The following RORA variants were observed in gnomAD, a reference collection of about 807,000 sequenced individuals.
RORA encodes the protein nuclear receptor ROR-alpha.
In RORA, 7 loss-of-function variants were observed where a neutral mutation model predicts 69.5. That is an observed-to-expected ratio of 0.10 (90% CI 0.06 to 0.19). The LOEUF (loss-of-function observed/expected upper bound fraction) is 0.19. Among genes scored for constraint, RORA ranks in the 10% least tolerant of loss-of-function variants. The probability of loss-of-function intolerance (pLI) is 1.00; values close to 1 mark genes in which losing one functional copy is unlikely to be tolerated. For missense variants in RORA, 457 were observed against 663.0 expected (o/e 0.69, Z 3.41); for synonymous variants, 261 against 240.8 (o/e 1.08, Z -0.78).
chr15:60,533,598 G>A (rs2066592524), intron 2 of RORA, among the ~76,000 whole-genome samples: 2 of 152,306 alleles, frequency 1.3e-5, no homozygotes, highest in African/African-American at 4.8e-5. Flanking sequence ...GAGAAAGCGA[G>A]TTACGCCTAA....
At chr15:61,087,391 T>C (rs970445650) in intron 1 of RORA, among the ~76,000 whole-genome samples, 6 of 152,256 alleles carry the variant, frequency 3.9e-5, no homozygotes, top group African/African-American at 1.4e-4. Flanking sequence ...TCCTTTTTCC[T>C]GGCTCTCAGC....
intron 1 of RORA, among the ~76,000 whole-genome samples, chr15:61,003,073 G>C (rs772742201): frequency 1.3e-5 from 2 of 151,022 alleles, no homozygotes; most frequent in African/African-American, 2.4e-5. Flanking sequence ...GAACCTGGGA[G>C]GCGGAAGTTG....
chr15:60,995,443 G>A (rs539411743), intron 1 of RORA, among the ~76,000 whole-genome samples: 1 of 152,282 alleles, frequency 6.6e-6, no homozygotes, highest in African/African-American at 2.4e-5. Context: ...CATTCTGATA[G>A]GCGTGACCTT....
At chr15:61,105,987 G>C (rs1566991627) in intron 1 of RORA, among the ~76,000 whole-genome samples, 1 of 152,188 alleles carries the variant, frequency 6.6e-6, no homozygotes, top group Non-Finnish European at 1.5e-5. Flanking sequence ...ATCTTCATAA[G>C]CTGGCAAGGA....
At chr15:61,166,327 T>C (rs552565332) in intron 1 of RORA, among the ~76,000 whole-genome samples, 1 of 152,224 alleles carries the variant, frequency 6.6e-6, no homozygotes, top group East Asian at 1.9e-4. Flanking sequence ...CAGATGAACA[T>C]GTCTCTTGGA....
intron 1 of RORA, among the ~76,000 whole-genome samples, chr15:60,992,974 C>G (rs973214307): frequency 3.3e-5 from 5 of 152,250 alleles, no homozygotes; most frequent in African/African-American, 4.8e-5. Flanking sequence ...CCACCCACCC[C>G]CTCTCCCAAA....
intron 1 of RORA, among the ~76,000 whole-genome samples, chr15:60,712,997 AAAC>A (rs1318026862): frequency 4.6e-5 from 7 of 152,230 alleles, no homozygotes. Context: ...AGGGAAAAAA[AAAC>A]AACAATTTAG....
chr15:60,695,368 C>A (rs180950498), intron 1 of RORA, among the ~76,000 whole-genome samples: 116 of 152,038 alleles, frequency 7.6e-4, no homozygotes, highest in Admixed American at 3.9e-3. Flanking sequence ...ACCCTGTTGA[C>A]TTTTTTTTGA....
At chr15:61,077,782 A>G (rs1049938089) in intron 1 of RORA, among the ~76,000 whole-genome samples, 4 of 152,198 alleles carry the variant, frequency 2.6e-5, no homozygotes, top group Admixed American at 2.6e-4. Context: ...CTCCATCCAG[A>G]AGCATCTCTT....
chr15:60,561,074 T>G (rs1214696766), intron 2 of RORA, among the ~76,000 whole-genome samples: 1 of 130,054 alleles, frequency 7.7e-6, no homozygotes, highest in Admixed American at 7.1e-5. Context: ...TTTTTTTGTT[T>G]TGTTTTTGTT....
At chr15:60,747,842 T>A (rs1389914448) in intron 1 of RORA, among the ~76,000 whole-genome samples, 4 of 152,200 alleles carry the variant, frequency 2.6e-5, no homozygotes, top group Non-Finnish European at 5.9e-5. Flanking sequence ...GGGATCTAAT[T>A]CTTAGTAAAG....
chr15:60,848,718 C>G (rs182550337), intron 1 of RORA: 1 of 153,644 alleles, frequency 6.5e-6, no homozygotes, highest in Admixed American at 6.5e-5. Context: ...GTACGTCTTA[C>G]GTGGTGGAGC....
chr15:60,702,917 C>T (rs1294403110), intron 1 of RORA, among the ~76,000 whole-genome samples: 2 of 152,108 alleles, frequency 1.3e-5, no homozygotes, highest in Non-Finnish European at 2.9e-5. Context: ...GGCAGTGCTG[C>T]GGAATATTCC....
intron 1 of RORA, among the ~76,000 whole-genome samples, chr15:61,208,808 G>C (rs942760656): frequency 6.6e-6 from 1 of 152,054 alleles, no homozygotes; most frequent in African/African-American, 2.4e-5. Context: ...TTCACAATTT[G>C]TCTTCATTAT....
chr15:60,882,383 C>T lies in RORA; in HGVS notation c.167-203697G>A, dbSNP rs2073690717. On this transcript the variant is annotated intron_variant, in intron 1 of 10. Transcript: ENST00000335670. ...AAACATCCTACAACGCACCAGACAA[C>T]CCTTCATGATAAAGAATGTTCTGGA... Among the ~76,000 whole-genome samples, 3 of 152,074 alleles carry T rather than the reference C, an allele frequency of 2.0e-5. No homozygotes were observed. The South Asian group carries it at 6.2e-4, about 32-fold the overall frequency.
intron 1 of RORA, among the ~76,000 whole-genome samples, chr15:60,792,596 C>T (rs1444419141): frequency 2.0e-5 from 3 of 152,152 alleles, no homozygotes; most frequent in Non-Finnish European, 4.4e-5. Context: ...TGAATGATAG[C>T]TATTTCTCTC....
At chr15:60,939,031 A>G (rs1892609310) in intron 1 of RORA, among the ~76,000 whole-genome samples, 1 of 152,188 alleles carries the variant, frequency 6.6e-6, no homozygotes, top group Non-Finnish European at 1.5e-5. Flanking sequence ...TGCTCAGGCC[A>G]TTGCTCGTTG....
At chr15:60,554,108 G>T (rs2067295670) in intron 2 of RORA, among the ~76,000 whole-genome samples, 1 of 152,128 alleles carries the variant, frequency 6.6e-6, no homozygotes, top group South Asian at 2.1e-4. Flanking sequence ...CACTGAGTAA[G>T]TGATTTTAAT....
intron 1 of RORA, among the ~76,000 whole-genome samples, chr15:60,830,480 CATA>C (rs1332810589): frequency 2.0e-5 from 3 of 152,194 alleles, no homozygotes; most frequent in Non-Finnish European, 4.4e-5. Context: ...TTAATCGCTG[CATA>C]ATATTATATT....
Sources: gnomAD v4.1 joint callset for allele counts (sites outside exome capture counted in the v4.1 genomes callset) on GRCh38, gnomAD v4.1.1 for gene constraint, MANE v1.5 for transcripts, NCBI Gene and HGNC (gene_info 2026-07-23, HGNC 2026-07-21) for gene names.